Variants in HLTF observed in about 807,000 individuals in gnomAD.
HLTF encodes the protein helicase like transcription factor.
In HLTF, 127 loss-of-function variants were observed where a neutral mutation model predicts 129.4. That is an observed-to-expected ratio of 0.98 (90% CI 0.85 to 1.14). The LOEUF (loss-of-function observed/expected upper bound fraction) is 1.14. HLTF is among the 50% of genes most tolerant of loss of function. HLTF has a pLI of 0.00. For synonymous variants in HLTF, 332 were observed against 388.8 expected (o/e 0.85, Z 1.72); for missense variants, 1,139 against 1,187.1 (o/e 0.96, Z 0.60).
Position 149,048,937 on chromosome 3 carries a change from G to C in HLTF, c.1682C>G (p.Ala561Gly). The change falls in exon 16 of 25, where the codon GCC becomes GGC. Residue 561 changes from alanine (A) to glycine (G), a missense_variant. Transcript: ENST00000310053. ...WLRVILDEGH[A>G]IRNPNAQQTK... The stretch of plus-strand genomic sequence containing the variant: ...CTGCTGAGCATTTGGATTTCGTATG[G>C]CATGTCCTTCATCCAGGATCACTCT... The C allele has an allele frequency of 6.2e-7, 1 of 1,610,434 alleles. No individual in the cohort carries two copies. Among genetic ancestry groups the C allele is most frequent in the Non-Finnish European group, 8.5e-7 (1 of 1,176,858 alleles).
At chr3:149,086,243 G>T (rs915222995) in intron 1 of HLTF, 74 bp downstream of exon 1, 44 of 1,460,940 alleles carry the variant, frequency 3.0e-5, no homozygotes, top group Non-Finnish European at 3.6e-5. Flanking sequence ...AGAGGAACGC[G>T]GGGAAGGTCA....
intron 18 of HLTF, 81 bp downstream of exon 18, chr3:149,045,999 C>A: frequency 1.0e-6 from 1 of 979,104 alleles, no homozygotes; most frequent in Non-Finnish European, 1.5e-6. Context: ...CTATTGCTAA[C>A]ACATCTAAAT....
Position 149,073,273 on chromosome 3 carries a change from T to C in HLTF, c.579A>G (p.Pro193=). The part of the protein sequence containing the change: ...ESGWGSGRAG[P]SYSMPVHAAV... ...CAGCATGCACTGGCATACTATAGCT[T>C]GGTCCAGCTCTTCCAGAGCCCCAAC... The change falls in exon 5 of 25, where the codon CCA becomes CCG. Residue 193 remains proline, a synonymous_variant. Coordinates refer to ENST00000310053, the MANE Select transcript of HLTF (RefSeq NM_003071.4). 6.2e-7 allele frequency: 1 copy of C among 1,613,500 alleles called. No homozygotes were observed. The highest frequency in any genetic ancestry group is 8.5e-7 in the Non-Finnish European group (1 of 1,179,592).
At position 149,030,181 on chromosome 3, in the gene HLTF, A is replaced by ATTGT. The variant is rs1714881935; in HGVS notation, c.*2035_*2038dup. 1 of 152,198 alleles carries ATTGT rather than the reference A, an allele frequency of 6.6e-6. No individual in the cohort carries two copies. Among genetic ancestry groups the ATTGT allele is most frequent in the African/African-American group, 2.4e-5 (1 of 41,456 alleles). The allele number at this position is 152,198 out of a possible 1,614,324, so 9.4% of individuals were successfully genotyped here. A position where few individuals can be genotyped will look rare whatever the true frequency, so the allele number is the denominator to read the frequency against. On this transcript the variant is annotated 3_prime_UTR_variant, in exon 25 of 25. Coordinates refer to ENST00000310053, the MANE Select transcript of HLTF (RefSeq NM_003071.4). ...TTTAAAATCCAGTTTTAACCACAAA[A>ATTGT]TTGTTTGAATCACAAGTGGTAATAC... is the stretch of plus-strand genomic sequence containing the variant.
intron 14 of HLTF, among the ~76,000 whole-genome samples, chr3:149,051,462 C>T (rs2107992956): frequency 6.6e-6 from 1 of 152,232 alleles, no homozygotes; most frequent in Admixed American, 6.5e-5. Context: ...CTAAAGAGAG[C>T]ATGTACAGTG....
chr3:149,086,061 T>C (rs988509066), intron 1 of HLTF, among the ~76,000 whole-genome samples: 19 of 152,060 alleles, frequency 1.2e-4, no homozygotes, highest in African/African-American at 4.3e-4. Flanking sequence ...CTGGCCGAGA[T>C]GCTTTAAGCC....
intron 24 of HLTF, among the ~76,000 whole-genome samples, chr3:149,033,932 A>G (rs1162996523): frequency 6.6e-6 from 1 of 152,208 alleles, no homozygotes; most frequent in Admixed American, 6.5e-5. Flanking sequence ...AAGACAAGGA[A>G]GAGTATGGGA....
chr3:149,038,137 TAA>T (rs1390076053), intron 23 of HLTF, among the ~76,000 whole-genome samples: 1 of 152,222 alleles, frequency 6.6e-6, no homozygotes, highest in Non-Finnish European at 1.5e-5. Context: ...CTAGAACTCC[TAA>T]GTCTCTACGT....
At chr3:149,047,154 A>G (rs1716613339) in intron 17 of HLTF, among the ~76,000 whole-genome samples, 1 of 152,200 alleles carries the variant, frequency 6.6e-6, no homozygotes, top group Admixed American at 6.5e-5. Context: ...TATCCCACTA[A>G]TAGCTCTCAA....
intron 10 of HLTF, among the ~76,000 whole-genome samples, chr3:149,062,496 AT>A (rs1718029891): frequency 6.6e-6 from 1 of 152,226 alleles, no homozygotes. Context: ...GCAGAGACAA[AT>A]TTGCGATGAC....
intron 16 of HLTF, 78 bp downstream of exon 16, chr3:149,048,785 T>C (rs948083089): frequency 8.8e-7 from 1 of 1,134,340 alleles, no homozygotes; most frequent in Non-Finnish European, 1.3e-6. Flanking sequence ...ACTTTAAGTT[T>C]ACAAAGTTAC....
intron 2 of HLTF, among the ~76,000 whole-genome samples, chr3:149,080,271 G>A (rs1719759508): frequency 6.6e-6 from 1 of 152,036 alleles, no homozygotes; most frequent in African/African-American, 2.4e-5. Flanking sequence ...TAGATTGTAG[G>A]GATGGTTGCA....
rs752246801 is a variant in HLTF, at chr3:149,046,168, T to C, written c.1984A>G (p.Lys662Glu). 3 of 1,609,064 alleles carry C rather than the reference T, an allele frequency of 1.9e-6. No individual in the cohort carries two copies. The highest frequency in any genetic ancestry group is 1.7e-6 in the Non-Finnish European group (2 of 1,176,504). ...GKPVLELPERKVFIQHITLSD... is the reference protein window; with the variant it reads ...GKPVLELPEREVFIQHITLSD... ...AGTGTAATGTGCTGAATAAATACTTTACGTTCTGGTAACTCCAAAACAGGT... is the reference window on the plus strand; with the variant it reads ...AGTGTAATGTGCTGAATAAATACTTCACGTTCTGGTAACTCCAAAACAGGT... Residue 662 changes from lysine to glutamate, a missense_variant, in exon 18 of 25, where the codon AAA becomes GAA. By Grantham distance (56) the Lys-to-Glu change is moderately conservative. Coordinates refer to ENST00000310053, the MANE Select transcript of HLTF (RefSeq NM_003071.4).
chr3:149,080,583 T>G (rs905612637), intron 2 of HLTF, among the ~76,000 whole-genome samples: 1 of 152,138 alleles, frequency 6.6e-6, no homozygotes, highest in African/African-American at 2.4e-5. Flanking sequence ...ATGCAAATCC[T>G]AGAAAATACA....
intron 20 of HLTF, chr3:149,040,384 T>C (rs887412580): frequency 1.3e-5 from 5 of 389,900 alleles, no homozygotes; most frequent in Non-Finnish European, 1.8e-5. Flanking sequence ...TGATCTGGAC[T>C]AGCTAGAAGC....
At chr3:149,051,085 A>C (rs1716941367) in intron 14 of HLTF, among the ~76,000 whole-genome samples, 1 of 152,182 alleles carries the variant, frequency 6.6e-6, no homozygotes, top group Non-Finnish European at 1.5e-5. Flanking sequence ...AACAGGGTGG[A>C]AAGGACAGGT....
intron 10 of HLTF, chr3:149,063,052 T>C (rs769302957): frequency 6.6e-6 from 3 of 456,964 alleles, no homozygotes; most frequent in South Asian, 4.6e-5. Flanking sequence ...TGGTCATCTC[T>C]ATCTCTCTCT....
chr3:149,064,699 T>C, intron 9 of HLTF, 92 bp downstream of exon 9: 1 of 827,692 alleles, frequency 1.2e-6, no homozygotes, highest in Non-Finnish European at 2.1e-6. Context: ...AATTACAATA[T>C]TAGGCTGAAA....
intron 1 of HLTF, among the ~76,000 whole-genome samples, chr3:149,085,232 T>C (rs1042216981): frequency 2.0e-5 from 3 of 152,234 alleles, no homozygotes. Context: ...GGCTCACGCC[T>C]GGAATCCCAG....
Sources: gnomAD v4.1 joint callset for allele counts (sites outside exome capture counted in the v4.1 genomes callset) on GRCh38, gnomAD v4.1.1 for gene constraint, MANE v1.5 for transcripts, NCBI Gene and HGNC (gene_info 2026-07-23, HGNC 2026-07-21) for gene names.